EFCAB6: variants seen among roughly 807,000 people sequenced by gnomAD.
EFCAB6 encodes EF-hand calcium-binding domain-containing protein 6.
In EFCAB6, 156 loss-of-function variants were observed where a neutral mutation model predicts 169.8. The ratio of observed to expected loss-of-function variants is 0.92; its 90% CI spans 0.81 to 1.05. EFCAB6 has a LOEUF of 1.05. Among genes scored for constraint, EFCAB6 ranks in the 50% least tolerant of loss-of-function variants. The pLI is 0.00. For missense variants in EFCAB6, 1,800 were observed against 1,829.1 expected (o/e 0.98, Z 0.29); for synonymous variants, 698 against 676.4 (o/e 1.03, Z -0.50).
chr22:43,713,639 G>A (rs1003265957), intron 9 of EFCAB6, among the ~76,000 whole-genome samples: 19 of 152,120 alleles, frequency 1.2e-4, no homozygotes, highest in Admixed American at 5.9e-4. Context: ...TGTAATTTCC[G>A]GAGAAACCTT....
Position 43,615,056 on chromosome 22 carries a change from C to T in EFCAB6, c.2562+770G>A, listed in dbSNP as rs138491909. Among the ~76,000 whole-genome samples, 6 of 152,370 alleles carry T rather than the reference C, an allele frequency of 3.9e-5. 1 individual carries two copies. Among genetic ancestry groups the T allele is most frequent in the Admixed American group, 3.9e-4 (6 of 15,304 alleles). On this transcript the variant is annotated intron_variant, in intron 21 of 31. Coordinates refer to ENST00000262726, the MANE Select transcript of EFCAB6 (RefSeq NM_022785.4). Reference sequence around the variant, plus strand: ...GACTTCAAAGACAAAATTCTTTTCACACTGGGCACAGGCCAAGAAAGAGCA... The same window carrying T: ...GACTTCAAAGACAAAATTCTTTTCATACTGGGCACAGGCCAAGAAAGAGCA...
At chr22:43,683,950 A>G in intron 11 of EFCAB6, 95 bp from the exon 12 acceptor site, 2 of 897,210 alleles carry the variant, frequency 2.2e-6, no homozygotes, top group Non-Finnish European at 1.8e-6. Context: ...ACCACAATAC[A>G]GTAGAGCTTT....
chr22:43,648,841 C>T (rs1273293521), intron 17 of EFCAB6, among the ~76,000 whole-genome samples: 5 of 152,176 alleles, frequency 3.3e-5, no homozygotes, highest in Admixed American at 6.5e-5. Flanking sequence ...TTGATTCATG[C>T]ATTTGAAAAA....
intron 2 of EFCAB6, among the ~76,000 whole-genome samples, chr22:43,802,143 C>G (rs1046217262): frequency 2.6e-5 from 4 of 152,166 alleles, no homozygotes; most frequent in Non-Finnish European, 5.9e-5. Context: ...GTCCCCTGAA[C>G]TGACAAGAGG....
intron 17 of EFCAB6, among the ~76,000 whole-genome samples, chr22:43,659,425 G>A (rs5764192): frequency 0.26 from 39,049 of 152,108 alleles, 5,785 homozygotes; most frequent in East Asian, 0.61. Flanking sequence ...TTCGGAGGCT[G>A]AGGTGGGTGG....
chr22:43,749,180 T>A lies in EFCAB6; in HGVS notation c.507+6586A>T, dbSNP rs370770683. On this transcript the variant is annotated intron_variant, in intron 6 of 31. Transcript: ENST00000262726. The stretch of plus-strand genomic sequence containing the variant: ...GTAAGGGAGAGGTAATCAAGACTGG[T>A]CCTTGGTTTCTGCTTGAATGAATGA... 2.0e-5 allele frequency among the ~76,000 whole-genome samples: 3 copies of A among 152,124 alleles called. 1 individual carries two copies. The highest frequency in any genetic ancestry group is 1.5e-5 in the Non-Finnish European group (1 of 67,992).
chr22:43,599,344 T>C (rs1203979394), intron 23 of EFCAB6, among the ~76,000 whole-genome samples: 2 of 151,756 alleles, frequency 1.3e-5, no homozygotes, highest in East Asian at 3.9e-4. Flanking sequence ...ACCTCACCTC[T>C]ACTAAAAATA....
intron 4 of EFCAB6, among the ~76,000 whole-genome samples, chr22:43,772,632 A>C (rs1245423414): frequency 8.0e-6 from 1 of 124,750 alleles, no homozygotes; most frequent in African/African-American, 3.1e-5. Context: ...CAAGAGTGAA[A>C]TTCTGTCTCA....
At chr22:43,695,641 G>T (rs1470393710) in intron 10 of EFCAB6, among the ~76,000 whole-genome samples, 2 of 152,014 alleles carry the variant, frequency 1.3e-5, no homozygotes, top group South Asian at 4.1e-4. Flanking sequence ...AGAATAGACC[G>T]ACAGAGACTA....
Position 43,735,789 on chromosome 22 carries a change from CA to C in EFCAB6, c.644+67del, listed in dbSNP as rs2060114471. On this transcript the variant is annotated intron_variant, in intron 7 of 31. Transcript: ENST00000262726. ...AGATGGATGGAGCCAATGAACCCAA[CA>C]GGTCTCATTCTGAAATTGGTTAAAA... 1.9e-5 allele frequency: 29 copies of C among 1,567,522 alleles called. No homozygotes were observed. In the South Asian group the frequency reaches 3.3e-4, roughly 18 times the overall value.
At chr22:43,802,530 CA>C (rs34477562) in intron 2 of EFCAB6, 18,754 of 294,844 alleles carry the variant, frequency 0.064, 14 homozygotes, top group East Asian at 0.12. Context: ...GACTCTATCT[CA>C]AAAAAAAAAA....
intron 6 of EFCAB6, among the ~76,000 whole-genome samples, chr22:43,747,061 GAA>G (rs2060591701): frequency 6.6e-6 from 1 of 152,238 alleles, no homozygotes; most frequent in African/African-American, 2.4e-5. Flanking sequence ...CAGGTTACGT[GAA>G]AAGTTTCCCA....
chr22:43,799,541 TATAAG>T (rs1212741041), intron 2 of EFCAB6, among the ~76,000 whole-genome samples: 4 of 152,230 alleles, frequency 2.6e-5, no homozygotes, highest in Non-Finnish European at 5.9e-5. Flanking sequence ...ACAGTTATTC[TATAAG>T]ATATTATCAC....
intron 23 of EFCAB6, among the ~76,000 whole-genome samples, chr22:43,594,497 T>A (rs1373051881): frequency 6.6e-6 from 1 of 152,106 alleles, no homozygotes; most frequent in African/African-American, 2.4e-5. Flanking sequence ...TAGCTATGCT[T>A]ATATCAGATA....
At chr22:43,782,406 T>G in intron 2 of EFCAB6, 81 bp from the exon 3 acceptor site, 1 of 1,244,050 alleles carries the variant, frequency 8.0e-7, no homozygotes, top group Non-Finnish European at 1.1e-6. Flanking sequence ...CTATTCCTTT[T>G]CTGAAGGGAC....
intron 26 of EFCAB6, among the ~76,000 whole-genome samples, chr22:43,566,011 CAA>C (rs34175291): frequency 0.22 from 31,831 of 146,324 alleles, 3,544 homozygotes; most frequent in Middle Eastern, 0.26. Context: ...AACTGCCTGT[CAA>C]AAAAAAAAAA....
rs369015201 is a variant in EFCAB6, at chr22:43,805,162, C to T, written c.-8+3833G>A. 2.4e-3 allele frequency among the ~76,000 whole-genome samples: 360 copies of T among 152,114 alleles called. 14 individuals carry two copies. In the South Asian group the frequency reaches 0.065, roughly 28 times the overall value. On this transcript the variant is annotated intron_variant, in intron 2 of 31. Coordinates refer to ENST00000262726, the MANE Select transcript of EFCAB6 (RefSeq NM_022785.4). ...AATACCTAAGAATCAATTTAACCAA[C>T]GAAATCAAAGATTGATACAAGGAAA...
rs368938469 is a variant in EFCAB6 at position 43,676,669 on chromosome 22, C to A, written c.1419+1327G>T. ...TATGTACTATGGCCTATTAAAATTA[C>A]CTCCAGAATGTTGGTAGAAAATGTC... On this transcript the variant is annotated intron_variant, in intron 13 of 31. Transcript: ENST00000262726. Among the ~76,000 whole-genome samples, 116 of 152,208 alleles carry A rather than the reference C, an allele frequency of 7.6e-4. 1 individual carries two copies. Among genetic ancestry groups the A allele is most frequent in the African/African-American group, 2.7e-3 (112 of 41,516 alleles).
At chr22:43,588,137 C>A (rs1461919438) in intron 24 of EFCAB6, among the ~76,000 whole-genome samples, 1 of 152,068 alleles carries the variant, frequency 6.6e-6, no homozygotes, top group Non-Finnish European at 1.5e-5. Context: ...CATTGGGGGC[C>A]CCCAAGAAAA....
Sources: allele counts gnomAD v4.1 joint callset (sites outside exome capture counted in the v4.1 genomes callset), GRCh38; gene constraint gnomAD v4.1.1; transcripts MANE v1.5; gene names NCBI Gene and HGNC (gene_info 2026-07-23, HGNC 2026-07-21).